The following RUFY4 variants were observed in gnomAD, a reference collection of about 807,000 sequenced individuals.
The protein encoded by RUFY4 is RUN and FYVE domain containing 4.
Under a neutral mutation model 69.0 loss-of-function variants are expected in RUFY4, and 73 were observed. That is an observed-to-expected ratio of 1.06 (90% CI 0.88 to 1.29). RUFY4 has a LOEUF of 1.29. RUFY4 is among the 50% of genes most tolerant of loss of function. The pLI, the probability that RUFY4 is intolerant of heterozygous loss-of-function variation, is 0.00. For missense variants in RUFY4, 770 were observed against 705.6 expected, an observed-to-expected ratio of 1.09 and a Z score of -1.03; for synonymous variants, 287 against 271.8, an observed-to-expected ratio of 1.06 and a Z score of -0.55.
chr2:218,070,757 C>T (rs561469305), exon 2 of RUFY4: 220 of 1,536,788 alleles, frequency 1.4e-4, no homozygotes, highest in African/African-American at 1.2e-3. Context: ...CAGCAGCTGC[C>T]GTCTCTGCCA....
intron 8 of RUFY4, among the ~76,000 whole-genome samples, chr2:218,077,736 TGCTTCGCA>T (rs538862288): frequency 1.4e-3 from 207 of 152,360 alleles, no homozygotes; most frequent in African/African-American, 4.4e-3. Context: ...TCTGGCTGTC[TGCTTCGCA>T]GGTGAGAGAG....
intron 2 of RUFY4, among the ~76,000 whole-genome samples, chr2:218,040,648 G>T (rs1348710487): frequency 6.6e-6 from 1 of 152,044 alleles, no homozygotes; most frequent in East Asian, 1.9e-4. Flanking sequence ...TTTATACCTT[G>T]CCCTTTTGTG....
rs201603999 is a variant in RUFY4 at position 218,037,181 on chromosome 2, G to T, written c.-1158+1787G>T. On this transcript the variant is annotated intron_variant and NMD_transcript_variant, in intron 2 of 13. Coordinates refer to the RUFY4 transcript ENST00000457754. Reference sequence around the variant, plus strand: ...TAAAAATACAAAAAATTAGCCGGGCGTGGTGGCAGGCGCCTGTAACCTCAG... The same window carrying T: ...TAAAAATACAAAAAATTAGCCGGGCTTGGTGGCAGGCGCCTGTAACCTCAG... 1.4e-4 allele frequency among the ~76,000 whole-genome samples: 22 copies of T among 152,166 alleles called. No homozygotes were observed. In the East Asian group the frequency reaches 4.3e-3, roughly 29 times the overall value.
intron 9 of RUFY4, among the ~76,000 whole-genome samples, chr2:218,087,512 A>C (rs1171619658): frequency 6.6e-6 from 1 of 152,196 alleles, no homozygotes; most frequent in African/African-American, 2.4e-5. Flanking sequence ...GAAGAAATGA[A>C]TACATGAGTA....
intron 6 of RUFY4, 24 bp downstream of exon 8, chr2:218,073,909 T>C (rs761059921): frequency 1.2e-6 from 2 of 1,612,080 alleles, no homozygotes; most frequent in South Asian, 2.2e-5. Flanking sequence ...GCCTTCACTC[T>C]GAGTTGCCTC....
chr2:218,046,814 G>C (rs1012133523), intron 2 of RUFY4, among the ~76,000 whole-genome samples: 7 of 152,072 alleles, frequency 4.6e-5, no homozygotes, highest in African/African-American at 1.7e-4. Flanking sequence ...CTTCCCTCTT[G>C]TTACAAGGAG....
chr2:218,060,533 C>T, intron 3 of RUFY4: 1 of 1,298,214 alleles, frequency 7.7e-7, no homozygotes, highest in Non-Finnish European at 1.1e-6. Flanking sequence ...TCAGTGGCAT[C>T]CAGGGCCTGG....
intron 2 of RUFY4, among the ~76,000 whole-genome samples, chr2:218,043,842 G>A (rs1172820494): frequency 2.6e-5 from 4 of 152,302 alleles, no homozygotes; most frequent in South Asian, 4.1e-4. Flanking sequence ...CTGCTCAGAC[G>A]AAGGGGCACC....
At chr2:218,053,806 C>T (rs540524855) in intron 2 of RUFY4, among the ~76,000 whole-genome samples, 61 of 152,248 alleles carry the variant, frequency 4.0e-4, no homozygotes, top group Admixed American at 1.2e-3. Flanking sequence ...CCGCACCCGG[C>T]TAATTTTTGT....
At chr2:218,084,817 G>A (rs1333014387) in intron 9 of RUFY4, among the ~76,000 whole-genome samples, 1 of 152,146 alleles carries the variant, frequency 6.6e-6, no homozygotes, top group Non-Finnish European at 1.5e-5. Context: ...GGAAGGTGAG[G>A]TGGATGAATC....
chr2:218,070,276 C>G (rs1252943208), upstream of RUFY4: 1 of 367,074 alleles, frequency 2.7e-6, no homozygotes, highest in Non-Finnish European at 5.2e-6. Context: ...CTCCAATCCC[C>G]TGTTTCTCCT....
intron 2 of RUFY4, among the ~76,000 whole-genome samples, chr2:218,056,025 G>A (rs989189547): frequency 6.6e-6 from 1 of 152,090 alleles, no homozygotes; most frequent in East Asian, 1.9e-4. Context: ...GAGCATCTTC[G>A]GCAATATCCC....
At chr2:218,070,930 A>G (rs1410645709) in intron 2 of RUFY4, 71 bp downstream of exon 4, 13 of 1,214,058 alleles carry the variant, frequency 1.1e-5, no homozygotes, top group Non-Finnish European at 1.4e-5. Context: ...TTCCTGGAAA[A>G]TCAGGGAGGA....
At chr2:218,076,657 C>A (rs1553634761) in intron 8 of RUFY4, 124 bp downstream of exon 10, 2 of 1,434,336 alleles carry the variant, frequency 1.4e-6, no homozygotes, top group East Asian at 2.8e-5. Context: ...ACTGGGCACA[C>A]CTTTGGGATC....
At chr2:218,035,549 TC>T (rs746699190) in intron 2 of RUFY4, among the ~76,000 whole-genome samples, 5 of 152,102 alleles carry the variant, frequency 3.3e-5, no homozygotes, top group Non-Finnish European at 7.4e-5. Flanking sequence ...CTCCACTGTG[TC>T]CCACTGCTGT....
At chr2:218,076,332 C>G in intron 7 of RUFY4, 95 bp from the exon 10 acceptor site, 3 of 1,482,428 alleles carry the variant, frequency 2.0e-6, no homozygotes, top group Non-Finnish European at 2.7e-6. Flanking sequence ...AGGGCATGGC[C>G]TGGGGTCTCT....
chr2:218,051,865 A>G (rs555705736), intron 2 of RUFY4, among the ~76,000 whole-genome samples: 4 of 152,352 alleles, frequency 2.6e-5, no homozygotes, highest in South Asian at 2.1e-4. Context: ...AACAAAAACT[A>G]CAGGAGGTTT....
chr2:218,083,996 TGTGG>T (rs1275327691), intron 9 of RUFY4, among the ~76,000 whole-genome samples: 2 of 152,112 alleles, frequency 1.3e-5, no homozygotes, highest in Non-Finnish European at 2.9e-5. Flanking sequence ...ACCCTGGGCC[TGTGG>T]ACCTGCCCTA....
chr2:218,070,777 G>T, exon 2 of RUFY4: 1 of 1,537,244 alleles, frequency 6.5e-7, no homozygotes, highest in Non-Finnish European at 8.7e-7. Flanking sequence ...ATCCTCCAGG[G>T]CTATGGGGAT....
Sources: gnomAD v4.1 joint callset for allele counts (sites outside exome capture counted in the v4.1 genomes callset) on GRCh38, gnomAD v4.1.1 for gene constraint, MANE v1.5 for transcripts, NCBI Gene and HGNC (gene_info 2026-07-23, HGNC 2026-07-21) for gene names.